PPM1B: variants seen among roughly 807,000 people sequenced by gnomAD.
PPM1B encodes protein phosphatase 1B.
In PPM1B, 22 loss-of-function variants were observed where a neutral mutation model predicts 43.0. The observed-to-expected ratio is 0.51, with a 90% CI of 0.37 to 0.73. The LOEUF is 0.73. PPM1B is among the 30% of genes least tolerant of loss of function. PPM1B has a pLI of 0.00. For synonymous variants in PPM1B, 217 were observed against 197.9 expected (o/e 1.10, Z -0.81); for missense variants, 632 against 584.2 (o/e 1.08, Z -0.84).
downstream of PPM1B, among the ~76,000 whole-genome samples, chr2:44,246,122 G>A (rs1200615379): frequency 1.3e-5 from 2 of 152,034 alleles, no homozygotes; most frequent in African/African-American, 4.8e-5. Context: ...TTCTCCCAAT[G>A]TGCTCTCATT....
At chr2:44,220,566 C>T (rs1317587762) in intron 5 of PPM1B, among the ~76,000 whole-genome samples, 1 of 152,268 alleles carries the variant, frequency 6.6e-6, no homozygotes, top group East Asian at 1.9e-4. Context: ...GCAGATCAAA[C>T]ACTGACAGTG....
At chr2:44,205,754 A>G (rs901165274) in intron 2 of PPM1B, among the ~76,000 whole-genome samples, 1 of 152,086 alleles carries the variant, frequency 6.6e-6, no homozygotes, top group Non-Finnish European at 1.5e-5. Context: ...CCAAAATTTC[A>G]TTTATATACC....
chr2:44,239,975 G>GAGCAAGACCCT (rs1670712188), intron 5 of PPM1B, among the ~76,000 whole-genome samples: 1 of 112,184 alleles, frequency 8.9e-6, no homozygotes, highest in Non-Finnish European at 2.1e-5. Flanking sequence ...ACATCTAGCA[G>GAGCAAGACCCT]GTATACATTG....
chr2:44,223,301 T>C (rs1349120894), intron 5 of PPM1B, among the ~76,000 whole-genome samples: 2 of 152,182 alleles, frequency 1.3e-5, no homozygotes, highest in Non-Finnish European at 2.9e-5. Flanking sequence ...CAGGATAGAT[T>C]AGTCTCTTTT....
chr2:44,198,992 C>G (rs1668792926), intron 1 of PPM1B, among the ~76,000 whole-genome samples: 1 of 152,184 alleles, frequency 6.6e-6, no homozygotes, highest in Non-Finnish European at 1.5e-5. Context: ...GGCGTGGTGG[C>G]TCATGCCTGT....
intron 5 of PPM1B, among the ~76,000 whole-genome samples, chr2:44,224,348 G>A (rs1207459828): frequency 3.3e-5 from 5 of 151,602 alleles, no homozygotes; most frequent in South Asian, 2.1e-4. Context: ...CCAGCTACTC[G>A]GGAGGCTGAG....
chr2:44,211,193 C>T (rs1669449889), intron 3 of PPM1B, among the ~76,000 whole-genome samples: 1 of 152,128 alleles, frequency 6.6e-6, no homozygotes, highest in South Asian at 2.1e-4. Flanking sequence ...ATCCACAGAT[C>T]CCATTTAAAT....
intron 3 of PPM1B, chr2:44,213,551 C>T (rs1425030097): frequency 2.0e-4 from 30 of 152,090 alleles, no homozygotes; most frequent in Admixed American, 1.8e-3. Context: ...AGTATAAAAC[C>T]AAGAAGAGAG....
chr2:44,209,406 T>G, intron 3 of PPM1B, 79 bp downstream of exon 3: 1 of 1,445,766 alleles, frequency 6.9e-7, no homozygotes, highest in Non-Finnish European at 9.3e-7. Flanking sequence ...TTTTGTCGCC[T>G]GGGCGACACA....
At chr2:44,195,387 T>C (rs1414883619) in intron 1 of PPM1B, among the ~76,000 whole-genome samples, 1 of 152,092 alleles carries the variant, frequency 6.6e-6, no homozygotes, top group Non-Finnish European at 1.5e-5. Flanking sequence ...TCCCCAATTT[T>C]TTTTGGTAGA....
At chr2:44,198,827 A>C (rs997127874) in intron 1 of PPM1B, among the ~76,000 whole-genome samples, 1 of 152,202 alleles carries the variant, frequency 6.6e-6, no homozygotes, top group African/African-American at 2.4e-5. Context: ...GGGCTGGTAA[A>C]AGTGCAGGTA....
intron 5 of PPM1B, among the ~76,000 whole-genome samples, chr2:44,243,329 T>A (rs919979503): frequency 1.3e-5 from 2 of 152,228 alleles, no homozygotes; most frequent in Non-Finnish European, 1.5e-5. Flanking sequence ...AAAATTTACA[T>A]ACAGTAAACT....
At chr2:44,182,202 A>G (rs1667907751) in intron 1 of PPM1B, among the ~76,000 whole-genome samples, 1 of 152,138 alleles carries the variant, frequency 6.6e-6, no homozygotes, top group African/African-American at 2.4e-5. Flanking sequence ...AACATTCTCT[A>G]TGGACGATAC....
At chr2:44,187,953 T>C (rs1004391555) in intron 1 of PPM1B, among the ~76,000 whole-genome samples, 11 of 152,160 alleles carry the variant, frequency 7.2e-5, no homozygotes, top group Non-Finnish European at 4.4e-5. Flanking sequence ...GGTTTCACCA[T>C]GTTAGCCAGG....
chr2:44,217,930 C>A, intron 3 of PPM1B, 37 bp from the exon 4 acceptor site: 1 of 1,392,724 alleles, frequency 7.2e-7, no homozygotes. Context: ...ACTGGCTTAT[C>A]ACATTAATTT....
intron 3 of PPM1B, chr2:44,213,730 T>C (rs1171806247): frequency 6.6e-6 from 1 of 152,158 alleles, no homozygotes; most frequent in African/African-American, 2.4e-5. Context: ...GAGTCCTGCT[T>C]TGAGGGTGAT....
intron 3 of PPM1B, among the ~76,000 whole-genome samples, chr2:44,213,387 G>A (rs1669573141): frequency 6.7e-6 from 1 of 148,632 alleles, no homozygotes; most frequent in Non-Finnish European, 1.5e-5. Context: ...TATAACTTAC[G>A]ATGATGGTAT....
chr2:44,219,849 A>G (rs1486450253), intron 5 of PPM1B, among the ~76,000 whole-genome samples: 1 of 151,938 alleles, frequency 6.6e-6, no homozygotes, highest in Non-Finnish European at 1.5e-5. Context: ...AGGCTGAGGC[A>G]GGAGAATCGC....
chr2:44,172,720 G>A (rs1224374301), intron 1 of PPM1B, among the ~76,000 whole-genome samples: 2 of 152,010 alleles, frequency 1.3e-5, no homozygotes, highest in African/African-American at 4.8e-5. Flanking sequence ...GACCAGCCTG[G>A]GCAACATAGC....
Sources: allele counts gnomAD v4.1 joint callset (sites outside exome capture counted in the v4.1 genomes callset), GRCh38; gene constraint gnomAD v4.1.1; transcripts MANE v1.5; gene names NCBI Gene and HGNC (gene_info 2026-07-23, HGNC 2026-07-21).